HBP1: variants seen among roughly 807,000 people sequenced by gnomAD.
HBP1 encodes the protein HMG box-containing protein 1.
HBP1 carries 20 observed loss-of-function variants against 62.6 expected under a neutral mutation model. The observed-to-expected ratio is 0.32, with a 90% CI of 0.22 to 0.46. The LOEUF is 0.46. Ranked by LOEUF, HBP1 falls within the 20% of genes least tolerant of loss-of-function variation. HBP1 has a pLI of 1.00. For missense variants in HBP1, 480 were observed against 611.8 expected (o/e 0.78, Z 2.27); for synonymous variants, 232 against 206.2 (o/e 1.12, Z -1.07).
chr7:107,191,063 C>T (rs1797626259), intron 8 of HBP1, among the ~76,000 whole-genome samples: 2 of 152,148 alleles, frequency 1.3e-5, no homozygotes, highest in South Asian at 4.1e-4. Flanking sequence ...GATTTAAAGA[C>T]TCATTCTTTC....
Position 107,185,749 on chromosome 7 carries a change from A to G in HBP1, c.399-52A>G, listed in dbSNP as rs1292181032. 3.5e-6 allele frequency: 5 copies of G among 1,443,720 alleles called. No individual in the cohort carries two copies. The Admixed American group carries it at 7.6e-5, about 22-fold the overall frequency. The allele number at this position is 1,443,720 out of a possible 1,614,324, so 89.4% of individuals were successfully genotyped here. A position where few individuals can be genotyped will look rare whatever the true frequency, so the allele number is the denominator to read the frequency against. On this transcript the variant is annotated intron_variant, in intron 3 of 10. Transcript: ENST00000222574. ...TATGAAGTTCTTTCATTAATAGGAA[A>G]GATCTACTTTAAGGACCTATGCTTA...
At chr7:107,177,032 ACCTGTTAATT>A (rs1363745966) in intron 1 of HBP1, among the ~76,000 whole-genome samples, 2 of 152,174 alleles carry the variant, frequency 1.3e-5, no homozygotes, top group Non-Finnish European at 2.9e-5. Context: ...TCTGGTTTCC[ACCTGTTAATT>A]ATGTATTTTC....
Position 107,190,301 on chromosome 7 carries a change from T to G in HBP1, c.1051T>G (p.Phe351Val). The change falls in exon 8 of 11, where the codon TTT becomes GTT. Residue 351 changes from phenylalanine to valine, a missense_variant. Physicochemically the swap from Phe to Val is conservative, Grantham distance 50 (BLOSUM62 -1). This residue lies in a region of HBP1 where 58 missense variants were observed against 128.5 expected (regional missense o/e 0.45). Transcript: ENST00000222574. ...CATTAATTTTGATGATTCAGGTGTT[T>G]TTGATACATTTAAAAGGTAATATTG... ...DAINFDDSGV[F>V]DTFKSYDFTP... is the part of the protein sequence containing the mutation. The G allele has an allele frequency of 1.2e-6, 2 of 1,608,758 alleles. No individual in the cohort carries two copies. The highest frequency in any genetic ancestry group is 1.7e-6 in the Non-Finnish European group (2 of 1,176,594).
At chr7:107,198,839 C>CT (rs1798056030) in intron 9 of HBP1, among the ~76,000 whole-genome samples, 2 of 152,198 alleles carry the variant, frequency 1.3e-5, no homozygotes, top group Non-Finnish European at 2.9e-5. Context: ...TTAGGGAACA[C>CT]AGAGTATAGT....
At chr7:107,186,014 G>T in intron 4 of HBP1, 72 bp downstream of exon 4, 1 of 1,121,888 alleles carries the variant, frequency 8.9e-7, no homozygotes, top group Non-Finnish European at 1.3e-6. Context: ...ATTCCTCATA[G>T]GAAGTAGTCT....
chr7:107,175,085 AT>A (rs1355318259), intron 1 of HBP1, among the ~76,000 whole-genome samples: 1 of 152,048 alleles, frequency 6.6e-6, no homozygotes, highest in Non-Finnish European at 1.5e-5. Flanking sequence ...AAAAAAAAAA[AT>A]ACCCTCCTTA....
At chr7:107,199,164 CA>C (rs1444879712) in intron 9 of HBP1, among the ~76,000 whole-genome samples, 1 of 152,174 alleles carries the variant, frequency 6.6e-6, no homozygotes, top group African/African-American at 2.4e-5. Context: ...CGGCTCACTG[CA>C]ACCTCTGCCT....
chr7:107,197,085 T>C (rs1433897403), intron 9 of HBP1: 1 of 152,202 alleles, frequency 6.6e-6, no homozygotes, highest in Non-Finnish European at 1.5e-5. Flanking sequence ...CTGTCCTCAG[T>C]AGAAGCTGGA....
At chr7:107,169,771 G>A in intron 1 of HBP1, 10 of 985,310 alleles carry the variant, frequency 1.0e-5, no homozygotes, top group Non-Finnish European at 1.2e-5. Context: ...TGAGCCGAGG[G>A]GAAAAACAAG....
At chr7:107,190,022 CT>C (rs1456583337) in intron 7 of HBP1, 150 bp from the exon 8 acceptor site, 2 of 573,022 alleles carry the variant, frequency 3.5e-6, no homozygotes, top group Non-Finnish European at 6.0e-6. Flanking sequence ...TTATCTAGTA[CT>C]TTATTGTAAA....
Position 107,201,771 on chromosome 7 carries a change from G to T in HBP1, c.*340G>T. 4.7e-6 allele frequency: 1 copy of T among 212,620 alleles called. No homozygotes were observed. Among genetic ancestry groups the T allele is most frequent in the Admixed American group, 5.8e-5 (1 of 17,388 alleles). The allele number at this position is 212,620 out of a possible 1,614,324, so 13.2% of individuals were successfully genotyped here. On this transcript the variant is annotated 3_prime_UTR_variant, in exon 11 of 11. Coordinates refer to ENST00000222574, the MANE Select transcript of HBP1 (RefSeq NM_012257.4). Reference sequence around the variant, plus strand: ...GTGTATACATGTTTTATTTTAAATTGTACGAAAGGGGAATTTAAAAAATAT... The same window carrying T: ...GTGTATACATGTTTTATTTTAAATTTTACGAAAGGGGAATTTAAAAAATAT...
chr7:107,173,367 T>C (rs1796694079), intron 1 of HBP1: 1 of 152,146 alleles, frequency 6.6e-6, no homozygotes, highest in Admixed American at 6.5e-5. Flanking sequence ...ATGATGATGA[T>C]GGAAAAGTAA....
chr7:107,187,816 T>G (rs1235028663), intron 6 of HBP1, among the ~76,000 whole-genome samples: 2 of 152,260 alleles, frequency 1.3e-5, no homozygotes, highest in Admixed American at 1.3e-4. Flanking sequence ...TCCCTTGATT[T>G]GTGTAGCATG....
intron 8 of HBP1, among the ~76,000 whole-genome samples, 186 bp from the exon 9 acceptor site, chr7:107,195,648 T>TA (rs1361628511): frequency 6.6e-6 from 1 of 152,036 alleles, no homozygotes; most frequent in Non-Finnish European, 1.5e-5. Context: ...AGTTAGCACA[T>TA]ATACAGATTT....
chr7:107,195,942 A>G lies in HBP1; in HGVS notation c.1176A>G (p.Ala392=). ...GAGGACCTGGTGGTCAAGACTTTGC[A>G]AGATCTGGATTCAGTAAAAACTGTG... is the stretch of plus-strand genomic sequence containing the variant. ...SCGGPGGQDF[A]RSGFSKNCGS... The change falls in exon 9 of 11, where the codon GCA becomes GCG. Residue 392 remains alanine, a synonymous_variant. Transcript: ENST00000222574. 2 of 1,613,998 alleles carry G rather than the reference A, an allele frequency of 1.2e-6. No homozygotes were observed. The highest frequency in any genetic ancestry group is 1.7e-6 in the Non-Finnish European group (2 of 1,179,934).
rs1350768196 is a variant in HBP1, at chr7:107,169,028, G to T, written c.-173G>T. 5.4e-6 allele frequency: 7 copies of T among 1,289,128 alleles called. No homozygotes were observed. Among genetic ancestry groups the T allele is most frequent in the Admixed American group, 2.3e-5 (1 of 43,482 alleles). 79.9% of individuals were successfully genotyped at this position (1,289,128 alleles called of 1,614,324 possible). A position where few individuals can be genotyped will look rare whatever the true frequency, so the allele number is the denominator to read the frequency against. ...AGACTTGGTAATGGCGACGGGTTTG[G>T]TAAGTAGGAAAGTTTCGGTTGAGGA... is the stretch of plus-strand genomic sequence containing the variant. On this transcript the variant is annotated 5_prime_UTR_variant, in exon 1 of 11. Coordinates refer to ENST00000222574, the MANE Select transcript of HBP1 (RefSeq NM_012257.4).
At position 107,185,854 on chromosome 7, in the gene HBP1, G is replaced by A. The variant is rs151293151; in HGVS notation, c.452G>A (p.Arg151His). ...AGCAAAAGTTTACATTCCTATGCAC[G>A]CCCTCCACCAGTGTCCTCTTCTTCG... is the stretch of plus-strand genomic sequence containing the variant. ...ATSKSLHSYA[R>H]PPPVSSSSKS... Residue 151 changes from arginine (R) to histidine (H), a missense_variant, in exon 4 of 11, where the codon CGC becomes CAC. Arg to His is a conservative substitution (Grantham distance 29, BLOSUM62 0). Coordinates refer to ENST00000222574, the MANE Select transcript of HBP1 (RefSeq NM_012257.4). The A allele has an allele frequency of 6.8e-6, 11 of 1,612,218 alleles. No homozygotes were observed. The highest frequency in any genetic ancestry group is 3.3e-5 in the South Asian group (3 of 91,028).
intron 3 of HBP1, 52 bp downstream of exon 3, chr7:107,182,653 TTTTA>T: frequency 9.9e-7 from 1 of 1,005,786 alleles, no homozygotes. Flanking sequence ...TACACAAAGG[TTTTA>T]TTTAAAAATT....
At chr7:107,199,939 G>A (rs1307126473) in intron 9 of HBP1, among the ~76,000 whole-genome samples, 1 of 152,214 alleles carries the variant, frequency 6.6e-6, no homozygotes, top group East Asian at 1.9e-4. Flanking sequence ...TTAGCTTTTA[G>A]TACAAGTTGA....
Sources: gnomAD v4.1 joint callset for allele counts (sites outside exome capture counted in the v4.1 genomes callset) on GRCh38, gnomAD v4.1.1 for gene constraint, gnomAD v4.1.1 regional missense constraint, MANE v1.5 for transcripts, NCBI Gene and HGNC (gene_info 2026-07-23, HGNC 2026-07-21) for gene names.